Variants in CD8B2 observed in about 807,000 individuals in gnomAD.
CD8B2 encodes CD8B family member 2.
CD8B2 carries 11 observed loss-of-function variants against 23.7 expected under a neutral mutation model. The ratio of observed to expected loss-of-function variants is 0.46; its 90% CI spans 0.29 to 0.77. CD8B2 has a LOEUF of 0.77. CD8B2 is among the 30% of genes least tolerant of loss of function. CD8B2 has a pLI of 0.09. For synonymous variants in CD8B2, 90 were observed against 109.3 expected, an observed-to-expected ratio of 0.82 and a Z score of 1.10; for missense variants, 197 against 270.5, an observed-to-expected ratio of 0.73 and a Z score of 1.91.
intron 5 of CD8B2, among the ~76,000 whole-genome samples, chr2:106,533,888 A>G (rs540918289): frequency 6.6e-6 from 1 of 152,210 alleles, no homozygotes; most frequent in East Asian, 1.9e-4. Flanking sequence ...ACAGGTGGAC[A>G]TTGGGCACCT....
At chr2:106,517,915 C>T (rs1447347321) in intron 5 of CD8B2, among the ~76,000 whole-genome samples, 1 of 152,060 alleles carries the variant, frequency 6.6e-6, no homozygotes, top group Non-Finnish European at 1.5e-5. Context: ...GGGGTTTCAC[C>T]GTGTTAGCCA....
chr2:106,497,234 C>A lies in CD8B2; in HGVS notation c.493+972C>A, dbSNP rs561232347. Among the ~76,000 whole-genome samples, 5 of 152,328 alleles carry A rather than the reference C, an allele frequency of 3.3e-5. No individual in the cohort carries two copies. The South Asian group carries it at 1.0e-3, about 32-fold the overall frequency. On this transcript the variant is annotated intron_variant, in intron 3 of 5. Coordinates refer to ENST00000643224, the MANE Select transcript of CD8B2 (RefSeq NM_001349727.2). ...ATTGAAGTGAGCTGAGATCCTGCCA[C>A]TGCACTCCAGCCTGGGTGATAGAGC...
At chr2:106,492,665 C>T (rs1679217403) in intron 2 of CD8B2, among the ~76,000 whole-genome samples, 2 of 152,156 alleles carry the variant, frequency 1.3e-5, no homozygotes, top group African/African-American at 4.8e-5. Flanking sequence ...CACTGCCCTG[C>T]TTCCTGCTCA....
At chr2:106,504,622 A>T (rs1679471206) in intron 5 of CD8B2, among the ~76,000 whole-genome samples, 2 of 152,174 alleles carry the variant, frequency 1.3e-5, no homozygotes, top group Non-Finnish European at 2.9e-5. Flanking sequence ...AGGTGGGGTG[A>T]TAGAGTTCAG....
intron 5 of CD8B2, among the ~76,000 whole-genome samples, chr2:106,506,135 C>CAA (rs564708073): frequency 2.5e-4 from 35 of 140,200 alleles, no homozygotes; most frequent in African/African-American, 7.4e-4. Context: ...AACTCTGTCT[C>CAA]AAAAAAAAAA....
chr2:106,516,411 C>T (rs539560029), intron 5 of CD8B2, among the ~76,000 whole-genome samples: 5 of 152,156 alleles, frequency 3.3e-5, no homozygotes, highest in Non-Finnish European at 7.3e-5. Flanking sequence ...CCTTCTTTCC[C>T]GATGTACCCC....
downstream of CD8B2, among the ~76,000 whole-genome samples, chr2:106,515,934 T>C (rs1002549681): frequency 6.6e-6 from 1 of 152,118 alleles, no homozygotes; most frequent in Non-Finnish European, 1.5e-5. Flanking sequence ...GCGATTCTCC[T>C]GCCTCAGCCT....
chr2:106,537,054 G>T (rs574700628), intron 5 of CD8B2, among the ~76,000 whole-genome samples: 21 of 152,258 alleles, frequency 1.4e-4, no homozygotes, highest in African/African-American at 4.8e-4. Context: ...CTTTGTCTGT[G>T]AGGCCCTGAT....
intron 3 of CD8B2, among the ~76,000 whole-genome samples, chr2:106,499,214 G>A (rs1341697345): frequency 6.6e-6 from 1 of 152,058 alleles, no homozygotes; most frequent in Non-Finnish European, 1.5e-5. Context: ...CCTGCGACCT[G>A]CACCCACCTC....
intron 5 of CD8B2, among the ~76,000 whole-genome samples, chr2:106,538,305 C>T (rs1213192939): frequency 6.6e-6 from 1 of 152,138 alleles, no homozygotes; most frequent in Non-Finnish European, 1.5e-5. Flanking sequence ...TGAGATGGAG[C>T]CTTCAGCCTA....
intron 5 of CD8B2, among the ~76,000 whole-genome samples, chr2:106,526,753 G>A (rs1470129862): frequency 3.3e-5 from 5 of 152,154 alleles, no homozygotes; most frequent in African/African-American, 7.2e-5. Context: ...TGGTTCAAGC[G>A]ATTCTCCTGC....
In CD8B2 at chr2:106,491,049, G is replaced by T; in HGVS notation, c.219G>T (p.Trp73Cys). 6.2e-7 allele frequency: 1 copy of T among 1,613,952 alleles called. No homozygotes were observed. The highest frequency in any genetic ancestry group is 1.7e-4 in the Middle Eastern group (1 of 6,056). ...SDSHHEFLTL[W>C]DSAKGTIHGE... Reference sequence around the variant, plus strand: ...GTCACCACGAGTTCCTGACCCTCTGGGATTCCGCAAAAGGGACTATCCACG... The same window carrying T: ...GTCACCACGAGTTCCTGACCCTCTGTGATTCCGCAAAAGGGACTATCCACG... The change falls in exon 2 of 6, where the codon TGG becomes TGT. Residue 73 changes from tryptophan to cysteine, a missense_variant. This residue lies in a region of CD8B2 where 140 missense variants were observed against 164.2 expected (regional missense o/e 0.85). Transcript: ENST00000643224.
chr2:106,498,200 T>G (rs1374459142), intron 3 of CD8B2, among the ~76,000 whole-genome samples: 1 of 151,576 alleles, frequency 6.6e-6, no homozygotes, highest in East Asian at 1.9e-4. Context: ...CAGGCTGGAG[T>G]GCAGTGGCGT....
chr2:106,522,961 C>T (rs1393590839), intron 5 of CD8B2, among the ~76,000 whole-genome samples: 1 of 152,118 alleles, frequency 6.6e-6, no homozygotes, highest in Admixed American at 6.5e-5. Flanking sequence ...CCCCACTTGA[C>T]TTAAAGTTCT....
chr2:106,528,997 A>G (rs1390123237), intron 5 of CD8B2, among the ~76,000 whole-genome samples: 3 of 152,172 alleles, frequency 2.0e-5, no homozygotes, highest in African/African-American at 4.8e-5. Context: ...TGGCAAGGGT[A>G]GAGTGATTTA....
intron 5 of CD8B2, among the ~76,000 whole-genome samples, chr2:106,542,824 T>C (rs1680197425): frequency 6.6e-6 from 1 of 151,940 alleles, no homozygotes; most frequent in Non-Finnish European, 1.5e-5. Flanking sequence ...TATGTGTGTA[T>C]AAGTGAATAC....
chr2:106,514,227 T>G (rs909681163), downstream of CD8B2, among the ~76,000 whole-genome samples: 16 of 150,894 alleles, frequency 1.1e-4, no homozygotes, highest in Non-Finnish European at 4.4e-5. Flanking sequence ...AGAGTGCGCC[T>G]GTGTGTGCTT....
intron 5 of CD8B2, among the ~76,000 whole-genome samples, chr2:106,536,678 C>T (rs1303493680): frequency 6.6e-6 from 1 of 152,124 alleles, no homozygotes; most frequent in Non-Finnish European, 1.5e-5. Flanking sequence ...AGGCGAGCTG[C>T]CAGCTCATGA....
rs1364550863 is a variant in CD8B2, at chr2:106,499,548, A to C, written c.494-2926A>C. Among the ~76,000 whole-genome samples, 53 of 152,020 alleles carry C rather than the reference A, an allele frequency of 3.5e-4. 1 individual carries two copies. Among genetic ancestry groups the C allele is most frequent in the African/African-American group, 1.1e-3 (47 of 41,442 alleles). ...CCCTGTCTCAAAAAAAAAAAAAAAA[A>C]AAACCTTAGTTGAGATATAATTTGC... On this transcript the variant is annotated intron_variant, in intron 3 of 5. Transcript: ENST00000643224.
Sources: gnomAD v4.1 joint callset for allele counts (sites outside exome capture counted in the v4.1 genomes callset) on GRCh38, gnomAD v4.1.1 for gene constraint, gnomAD v4.1.1 regional missense constraint, MANE v1.5 for transcripts, NCBI Gene and HGNC (gene_info 2026-07-23, HGNC 2026-07-21) for gene names.